Variants in UVRAG observed in about 807,000 individuals in gnomAD.
UVRAG encodes UV radiation resistance associated.
In UVRAG, 19 loss-of-function variants were observed where a neutral mutation model predicts 78.0. That is an observed-to-expected ratio of 0.24 (90% CI 0.17 to 0.36). The LOEUF (loss-of-function observed/expected upper bound fraction) is 0.36, where lower values mean the gene tolerates loss of function less well. Among genes scored for constraint, UVRAG ranks in the 10% least tolerant of loss-of-function variants. The probability of loss-of-function intolerance (pLI) is 1.00; values close to 1 mark genes in which losing one functional copy is unlikely to be tolerated. For synonymous variants in UVRAG, 323 were observed against 324.6 expected, an observed-to-expected ratio of 1.00 and a Z score of 0.05; for missense variants, 740 against 853.8, an observed-to-expected ratio of 0.87 and a Z score of 1.66.
chr11:75,880,601 G>C (rs1482759553), intron 4 of UVRAG, among the ~76,000 whole-genome samples: 1 of 152,036 alleles, frequency 6.6e-6, no homozygotes, highest in African/African-American at 2.4e-5. Context: ...TGCCCAGACT[G>C]GAGTGCAATG....
intron 13 of UVRAG, among the ~76,000 whole-genome samples, chr11:76,108,277 G>C (rs1054974403): frequency 5.3e-5 from 8 of 152,042 alleles, no homozygotes; most frequent in Admixed American, 2.0e-4. Context: ...AGGCTTTCCT[G>C]GCCTGGAAAA....
chr11:76,098,796 C>T (rs1440603426), intron 13 of UVRAG, among the ~76,000 whole-genome samples: 2 of 152,140 alleles, frequency 1.3e-5, no homozygotes, highest in Non-Finnish European at 2.9e-5. Flanking sequence ...ACCCCCAACA[C>T]AGTTGTCCAA....
At chr11:75,986,894 G>A (rs763648734) in intron 8 of UVRAG, among the ~76,000 whole-genome samples, 7 of 151,800 alleles carry the variant, frequency 4.6e-5, no homozygotes, top group Non-Finnish European at 7.4e-5. Context: ...TTTGTTTAGC[G>A]TAATATTTGT....
intron 13 of UVRAG, among the ~76,000 whole-genome samples, chr11:76,104,767 G>A (rs181540198): frequency 5.5e-4 from 83 of 152,208 alleles, no homozygotes; most frequent in Non-Finnish European, 9.4e-4. Flanking sequence ...GGGTATTTGT[G>A]GTCACTATAC....
intron 6 of UVRAG, among the ~76,000 whole-genome samples, chr11:75,929,109 G>A (rs936836163): frequency 4.6e-5 from 7 of 152,134 alleles, no homozygotes; most frequent in Admixed American, 4.6e-4. Flanking sequence ...ATGTGACTGT[G>A]AGAATGTGTA....
chr11:76,123,264 G>A (rs1952324410), intron 14 of UVRAG, among the ~76,000 whole-genome samples: 4 of 152,206 alleles, frequency 2.6e-5, no homozygotes, highest in Admixed American at 2.6e-4. Flanking sequence ...AGCAGGCCTG[G>A]TGGAAACATT....
At position 75,975,975 on chromosome 11, in the gene UVRAG, T is replaced by C. The variant is rs1949229632; in HGVS notation, c.700-7412T>C. On this transcript the variant is annotated intron_variant, in intron 7 of 14. Transcript: ENST00000356136. ...TCAAAGGGAATGGTTCCAGTTTTTG[T>C]CCATTCAGTATGATATTGGCTGTGG... Among the ~76,000 whole-genome samples, 5 of 152,274 alleles carry C rather than the reference T, an allele frequency of 3.3e-5. No individual in the cohort carries two copies. In the South Asian group the frequency reaches 8.3e-4, roughly 25 times the overall value.
chr11:75,832,306 C>T (rs780620065), intron 1 of UVRAG, among the ~76,000 whole-genome samples: 2 of 152,214 alleles, frequency 1.3e-5, no homozygotes, highest in Non-Finnish European at 2.9e-5. Context: ...AGACGTCAGT[C>T]CCAAGTCCCG....
rs146801613 is a variant in UVRAG at position 75,821,668 on chromosome 11, G to A, written c.117+6144G>A. Among the ~76,000 whole-genome samples the A allele has an allele frequency of 4.1e-4, 63 of 152,162 alleles. 1 individual carries two copies. The East Asian group carries it at 0.011, about 27-fold the overall frequency. On this transcript the variant is annotated intron_variant, in intron 1 of 14. Coordinates refer to ENST00000356136, the MANE Select transcript of UVRAG (RefSeq NM_003369.4). The stretch of plus-strand genomic sequence containing the variant: ...AGTTTTTACCTGATGTCCTTCTTCC[G>A]TGCCAGGATCCTGTCTGGATACCAC...
intron 6 of UVRAG, chr11:75,916,191 G>A (rs552047669): frequency 8.5e-5 from 13 of 152,230 alleles, no homozygotes; most frequent in Admixed American, 4.6e-4. Flanking sequence ...AAAGGGCTTT[G>A]GTCCTTCACC....
chr11:75,867,886 T>C (rs188618688), intron 3 of UVRAG, among the ~76,000 whole-genome samples: 16 of 152,340 alleles, frequency 1.1e-4, no homozygotes, highest in Admixed American at 8.5e-4. Context: ...GCACATGTAG[T>C]GCTAACATTG....
chr11:75,979,294 G>A (rs532333952), intron 7 of UVRAG, among the ~76,000 whole-genome samples: 3 of 152,318 alleles, frequency 2.0e-5, no homozygotes, highest in African/African-American at 7.2e-5. Context: ...CTGCTGGGAG[G>A]TGCCTCCCAG....
rs79543839 is a variant in UVRAG, at chr11:76,009,573, C to T, written c.1060+706C>T. On this transcript the variant is annotated intron_variant, in intron 11 of 14. Coordinates refer to ENST00000356136, the MANE Select transcript of UVRAG (RefSeq NM_003369.4). ...TCTTTATAGATTATTCCCAAGCCAG[C>T]GTTTTATCTACTTGAGAAGTTACTA... Among the ~76,000 whole-genome samples, 645 of 152,226 alleles carry T rather than the reference C, an allele frequency of 4.2e-3. 3 individuals carry two copies. Among genetic ancestry groups the T allele is most frequent in the African/African-American group, 0.015 (605 of 41,546 alleles).
intron 8 of UVRAG, among the ~76,000 whole-genome samples, chr11:75,985,169 T>C (rs1026128467): frequency 6.8e-6 from 1 of 148,084 alleles, no homozygotes; most frequent in Non-Finnish European, 1.5e-5. Flanking sequence ...TTTTTTTTTT[T>C]GTATATTTTG....
At chr11:75,838,653 T>A (rs186477982) in intron 1 of UVRAG, among the ~76,000 whole-genome samples, 1 of 152,298 alleles carries the variant, frequency 6.6e-6, no homozygotes, top group East Asian at 1.9e-4. Context: ...GTACCCAGCC[T>A]GCATTTGTAA....
chr11:76,137,263 T>C (rs111992934), intron 14 of UVRAG: 12 of 451,630 alleles, frequency 2.7e-5, no homozygotes, highest in African/African-American at 1.8e-4. Context: ...GGGGCACTGA[T>C]TCAACCACCC....
intron 13 of UVRAG, among the ~76,000 whole-genome samples, chr11:76,074,706 T>TA (rs1260419534): frequency 6.6e-6 from 1 of 152,188 alleles, no homozygotes; most frequent in African/African-American, 2.4e-5. Flanking sequence ...CAAATCCAGT[T>TA]ATATCCTACT....
chr11:75,895,534 G>C (rs1947323758), intron 5 of UVRAG, among the ~76,000 whole-genome samples: 1 of 151,586 alleles, frequency 6.6e-6, no homozygotes, highest in African/African-American at 2.4e-5. Flanking sequence ...TTAATCCTTT[G>C]TTCAGTAACC....
At chr11:76,011,848 C>T (rs567927446) in intron 11 of UVRAG, among the ~76,000 whole-genome samples, 126 of 152,260 alleles carry the variant, frequency 8.3e-4, no homozygotes, top group African/African-American at 2.9e-3. Context: ...TACTCTGTGT[C>T]AGGCACTTAG....
Sources: gnomAD v4.1 joint callset for allele counts (sites outside exome capture counted in the v4.1 genomes callset) on GRCh38, gnomAD v4.1.1 for gene constraint, MANE v1.5 for transcripts, NCBI Gene and HGNC (gene_info 2026-07-23, HGNC 2026-07-21) for gene names.